Variants in SPRY3 observed in about 807,000 individuals in gnomAD.
The protein encoded by SPRY3 is protein sprouty homolog 3.
A neutral mutation model predicts 20.2 loss-of-function variants in SPRY3; 15 were observed. The ratio of observed to expected loss-of-function variants is 0.74; its 90% CI spans 0.50 to 1.14. The LOEUF (loss-of-function observed/expected upper bound fraction) is 1.14. Ranked by LOEUF, SPRY3 falls within the 50% of genes most tolerant of loss-of-function variation. SPRY3 has a pLI of 0.00. For synonymous variants in SPRY3, 143 were observed against 136.5 expected (o/e 1.05, Z -0.33); for missense variants, 364 against 363.9 (o/e 1.00, Z 0.00).
chrX:155,637,714 T>TC (rs1195472648), intron 1 of SPRY3, among the ~76,000 whole-genome samples: 1 of 111,528 alleles, frequency 9.0e-6, no homozygotes, highest in Non-Finnish European at 1.9e-5. Context: ...TTCCCTTTGT[T>TC]CCCCCCTAGG....
intron 2 of SPRY3, among the ~76,000 whole-genome samples, chrX:155,744,034 G>T (rs1277487646): frequency 1.3e-5 from 2 of 152,098 alleles, no homozygotes; most frequent in African/African-American, 4.8e-5. Flanking sequence ...ATTTAGTGTG[G>T]CTGGGCAACT....
intron 2 of SPRY3, among the ~76,000 whole-genome samples, chrX:155,663,318 C>T (rs1346237099): frequency 9.0e-6 from 1 of 111,555 alleles, no homozygotes; most frequent in Non-Finnish European, 1.9e-5. Context: ...ACTATATTTA[C>T]CTGTAAAGCT....
At chrX:155,704,021 A>G (rs2090930182) in intron 2 of SPRY3, among the ~76,000 whole-genome samples, 1 of 151,862 alleles carries the variant, frequency 6.6e-6, no homozygotes, top group African/African-American at 2.4e-5. Flanking sequence ...GGCCTACTAG[A>G]AGGAAAGGCG....
chrX:155,744,165 A>G (rs1466641661), intron 2 of SPRY3, among the ~76,000 whole-genome samples: 1 of 152,088 alleles, frequency 6.6e-6, no homozygotes, highest in African/African-American at 2.4e-5. Flanking sequence ...TGTTTGGGAA[A>G]ACATGTAATT....
At chrX:155,618,141 C>A (rs1475236769) in intron 1 of SPRY3, among the ~76,000 whole-genome samples, 1 of 112,079 alleles carries the variant, frequency 8.9e-6, no homozygotes, top group African/African-American at 3.2e-5. Flanking sequence ...TCCATTGCCA[C>A]AAGCTTTCTC....
At chrX:155,613,287 G>T (rs781808206) in intron 1 of SPRY3, among the ~76,000 whole-genome samples, 29 of 110,981 alleles carry the variant, frequency 2.6e-4, no homozygotes, top group Non-Finnish European at 5.5e-4. Flanking sequence ...GTCATATACC[G>T]CTCATTACTC....
At chrX:155,658,370 G>A (rs2067998670) in intron 2 of SPRY3, among the ~76,000 whole-genome samples, 1 of 111,725 alleles carries the variant, frequency 9.0e-6, no homozygotes, top group Non-Finnish European at 1.9e-5. Flanking sequence ...TTTCATCAGT[G>A]TTTTGTAGTT....
At chrX:155,765,011 T>C (rs2091319128) in intron 2 of SPRY3, among the ~76,000 whole-genome samples, 1 of 152,174 alleles carries the variant, frequency 6.6e-6, no homozygotes, top group South Asian at 2.1e-4. Context: ...CCTCACATGA[T>C]GGAAGTGCCA....
chrX:155,724,664 A>AT (rs1449178988), intron 2 of SPRY3, among the ~76,000 whole-genome samples: 1 of 152,148 alleles, frequency 6.6e-6, no homozygotes, highest in Non-Finnish European at 1.5e-5. Flanking sequence ...TTGCACATTG[A>AT]TTTTGTATCC....
downstream of SPRY3, chrX:155,777,712 A>G (rs1463300317): frequency 8.4e-6 from 1 of 118,486 alleles, no homozygotes; most frequent in African/African-American, 3.9e-5. Flanking sequence ...AGAACTCTAA[A>G]TCCTGCAGGG....
At chrX:155,717,888 T>A (rs2091033362) in intron 2 of SPRY3, among the ~76,000 whole-genome samples, 1 of 152,122 alleles carries the variant, frequency 6.6e-6, no homozygotes, top group African/African-American at 2.4e-5. Context: ...GTCTTTATAG[T>A]AGAATGATTT....
chrX:155,688,558 C>G lies in SPRY3; in HGVS notation c.-282+31533C>G, dbSNP rs776502199. Among the ~76,000 whole-genome samples, 5 of 111,117 alleles carry G rather than the reference C, an allele frequency of 4.5e-5. No homozygotes were observed. The South Asian group carries it at 1.9e-3, about 43-fold the overall frequency. On this transcript the variant is annotated intron_variant, in intron 2 of 3. Coordinates refer to ENST00000675360, the Ensembl canonical transcript of SPRY3. Reference sequence around the variant, plus strand: ...TTTCCAGCATCTGTTATTTTTTTGACTTTTTAATAATAGCCATTGTGACGG... The same window carrying G: ...TTTCCAGCATCTGTTATTTTTTTGAGTTTTTAATAATAGCCATTGTGACGG...
chrX:155,722,540 A>T (rs1212535810), intron 2 of SPRY3, among the ~76,000 whole-genome samples: 1 of 152,168 alleles, frequency 6.6e-6, no homozygotes, highest in Non-Finnish European at 1.5e-5. Flanking sequence ...TTAATTAATT[A>T]AAGCAAGAAA....
At chrX:155,725,028 A>AG (rs1455753419) in intron 2 of SPRY3, among the ~76,000 whole-genome samples, 1 of 152,290 alleles carries the variant, frequency 6.6e-6, no homozygotes, top group Non-Finnish European at 1.5e-5. Flanking sequence ...TTTAGCATGA[A>AG]GGGCTGTTGA....
At chrX:155,699,373 T>C (rs974668669) in intron 2 of SPRY3, among the ~76,000 whole-genome samples, 1 of 111,985 alleles carries the variant, frequency 8.9e-6, no homozygotes, top group African/African-American at 3.2e-5. Context: ...TGGTGAAGCC[T>C]GAGAGTAATC....
chrX:155,726,679 C>A (rs1004163638), intron 2 of SPRY3, among the ~76,000 whole-genome samples: 11 of 152,136 alleles, frequency 7.2e-5, no homozygotes, highest in Admixed American at 5.9e-4. Flanking sequence ...CTTAGTAGAT[C>A]TTCCTCCATC....
At chrX:155,778,305 T>C (rs2091441944), downstream of SPRY3, 2 of 167,046 alleles carry the variant, frequency 1.2e-5, no homozygotes, top group South Asian at 4.1e-4. Context: ...AGTATCTTGC[T>C]ATGTTAAGAG....
chrX:155,773,307 G>GTTTTATATATAT (rs4013148), intron 3 of SPRY3, among the ~76,000 whole-genome samples: 1,570 of 120,636 alleles, frequency 0.013, 41 homozygotes, highest in African/African-American at 0.041. Flanking sequence ...ATTTTGATTG[G>GTTTTATATATAT]ATATATATAT....
intron 2 of SPRY3, among the ~76,000 whole-genome samples, chrX:155,722,891 TCATTTA>T (rs2091069656): frequency 6.6e-6 from 1 of 152,112 alleles, no homozygotes; most frequent in South Asian, 2.1e-4. Context: ...CATCAACTCA[TCATTTA>T]CATTAGGTAT....
Sources: allele counts gnomAD v4.1 joint callset (sites outside exome capture counted in the v4.1 genomes callset), GRCh38; gene constraint gnomAD v4.1.1; transcripts MANE v1.5; gene names NCBI Gene and HGNC (gene_info 2026-07-23, HGNC 2026-07-21).